Variants in ARHGEF11 observed in about 807,000 individuals in gnomAD.
ARHGEF11 encodes Rho guanine nucleotide exchange factor 11, also known as Rho guanine exchange factor (GEF) 11.
ARHGEF11 carries 55 observed loss-of-function variants against 193.7 expected under a neutral mutation model. That is an observed-to-expected ratio of 0.28 (90% CI 0.23 to 0.36). The LOEUF (loss-of-function observed/expected upper bound fraction) is 0.36, where lower values mean the gene tolerates loss of function less well. Among genes scored for constraint, ARHGEF11 ranks in the 10% least tolerant of loss-of-function variants. ARHGEF11 has a pLI of 1.00. For missense variants in ARHGEF11, 1,723 were observed against 2,005.6 expected, an observed-to-expected ratio of 0.86 and a Z score of 2.69; for synonymous variants, 693 against 768.0, an observed-to-expected ratio of 0.90 and a Z score of 1.62.
intron 13 of ARHGEF11, 133 bp from the exon 14 acceptor site, chr1:156,961,908 A>T: frequency 1.4e-6 from 1 of 707,556 alleles, no homozygotes; most frequent in South Asian, 1.6e-5. Context: ...TGCTACTGGC[A>T]TCTAGTGGGT....
At chr1:156,947,138 T>A in intron 26 of ARHGEF11, 123 bp from the exon 27 acceptor site, 1 of 1,470,804 alleles carries the variant, frequency 6.8e-7, no homozygotes, top group Non-Finnish European at 9.4e-7. Context: ...ACCATTGTAC[T>A]TTCGGGGTGA....
intron 21 of ARHGEF11, 25 bp downstream of exon 21, chr1:156,954,867 A>G (rs759321609): frequency 1.3e-6 from 2 of 1,599,360 alleles, no homozygotes; most frequent in East Asian, 4.5e-5. Context: ...TGCAAAGACA[A>G]ACCCAAATAA....
Position 156,999,281 on chromosome 1 carries a change from G to A in ARHGEF11, c.33-13108C>T, listed in dbSNP as rs547948389. ...GAGGTTCAGCTAAGTTACATAAGTC[G>A]CCCCAGGCCATACAGCTATTAAATA... On this transcript the variant is annotated intron_variant, in intron 1 of 40. Coordinates refer to ENST00000368194, the MANE Select transcript of ARHGEF11 (RefSeq NM_198236.3). Among the ~76,000 whole-genome samples the A allele has an allele frequency of 2.3e-3, 349 of 152,136 alleles. 1 individual carries two copies. The highest frequency in any genetic ancestry group is 8.1e-3 in the African/African-American group (335 of 41,498).
chr1:156,996,635 T>C (rs1440765769), intron 1 of ARHGEF11, among the ~76,000 whole-genome samples: 2 of 151,302 alleles, frequency 1.3e-5, no homozygotes, highest in African/African-American at 2.4e-5. Flanking sequence ...TAGCCGGGCG[T>C]GGTAGCGGGC....
chr1:156,948,922 T>G lies in ARHGEF11; in HGVS notation c.1926-424A>C. On this transcript the variant is annotated intron_variant, in intron 22 of 40. Transcript: ENST00000368194. The surrounding 1 kb of genome is among the most constrained non-coding windows in gnomAD (Gnocchi z 4.2). Reference sequence around the variant, plus strand: ...CCCCTAGTGGCCAGTTCACGTTGCCTCTGCTTTGGAACGGGTCAGCTCCCA... The same window carrying G: ...CCCCTAGTGGCCAGTTCACGTTGCCGCTGCTTTGGAACGGGTCAGCTCCCA... 1.0e-6 allele frequency: 1 copy of G among 985,450 alleles called. No homozygotes were observed. The highest frequency in any genetic ancestry group is 1.2e-6 in the Non-Finnish European group (1 of 829,932). 61.0% of individuals were successfully genotyped at this position (985,450 alleles called of 1,614,324 possible). A position where few individuals can be genotyped will look rare whatever the true frequency, so the allele number is the denominator to read the frequency against.
intron 1 of ARHGEF11, among the ~76,000 whole-genome samples, chr1:157,008,440 C>T (rs1668155023): frequency 6.7e-6 from 1 of 149,362 alleles, no homozygotes; most frequent in Non-Finnish European, 1.5e-5. Context: ...ACACGAAAGG[C>T]TATGTGAGCA....
At chr1:156,992,629 A>T (rs151332887) in intron 1 of ARHGEF11, among the ~76,000 whole-genome samples, 1 of 148,382 alleles carries the variant, frequency 6.7e-6, no homozygotes, top group African/African-American at 2.5e-5. Flanking sequence ...ATATATATAT[A>T]TTTTAAAAGT....
Position 156,948,233 on chromosome 1 carries a change from G to A in ARHGEF11, c.2106-5C>T. ...GGGGTTGGGTTCTCAAGAGACCTGTGGAGGGAATGTCAACTCTCAGCAACC... is the reference window on the plus strand; with the variant it reads ...GGGGTTGGGTTCTCAAGAGACCTGTAGAGGGAATGTCAACTCTCAGCAACC... On this transcript the variant is annotated splice_polypyrimidine_tract_variant and splice_region_variant and intron_variant, in intron 23 of 40. Coordinates refer to ENST00000368194, the MANE Select transcript of ARHGEF11 (RefSeq NM_198236.3). The surrounding 1 kb of genome is among the most constrained non-coding windows in gnomAD (Gnocchi z 4.2). The A allele has an allele frequency of 6.3e-7, 1 of 1,592,994 alleles. No individual in the cohort carries two copies. Among genetic ancestry groups the A allele is most frequent in the Non-Finnish European group, 8.6e-7 (1 of 1,166,410 alleles).
chr1:157,006,738 G>C (rs552932129), intron 1 of ARHGEF11, among the ~76,000 whole-genome samples: 18 of 152,294 alleles, frequency 1.2e-4, no homozygotes, highest in African/African-American at 4.3e-4. Context: ...CCATCTGCTG[G>C]CACCTCCTTC....
At chr1:157,030,078 G>A (rs1671113209) in intron 1 of ARHGEF11, among the ~76,000 whole-genome samples, 1 of 152,130 alleles carries the variant, frequency 6.6e-6, no homozygotes, top group Non-Finnish European at 1.5e-5. Flanking sequence ...GATGATGGTT[G>A]CACAACTCTG....
At chr1:156,980,386 G>C (rs1350285045) in intron 4 of ARHGEF11, 51 bp downstream of exon 4, 2 of 1,576,770 alleles carry the variant, frequency 1.3e-6, no homozygotes, top group Non-Finnish European at 8.6e-7. Flanking sequence ...GGAGTGCCCT[G>C]CACATCTATT....
In ARHGEF11 at chr1:156,936,827, C is replaced by A; in HGVS notation, c.4619G>T (p.Cys1540Phe). Residue 1540 changes from cysteine (C) to phenylalanine (F), a missense_variant, in exon 40 of 41, where the codon TGC becomes TTC. By Grantham distance (205) the Cys-to-Phe change is radical. Around this residue, in one of 5 missense-constraint regions of ARHGEF11, gnomAD observed 360 missense variants for 344.4 expected, o/e 1.05. Transcript: ENST00000368194. ...CTGGCTTCACTCACCATCCTCAGGG[C>A]AGGGCCCCAGTTCATGGCTGTTCCT... Reference protein sequence around the residue: ...DSRNSHELGPCPEDGSDAPLE... With the variant: ...DSRNSHELGPFPEDGSDAPLE... 6.2e-7 allele frequency: 1 copy of A among 1,613,706 alleles called. No homozygotes were observed. Among genetic ancestry groups the A allele is most frequent in the South Asian group, 1.1e-5 (1 of 91,008 alleles).
At chr1:156,968,258 G>C in intron 10 of ARHGEF11, 134 bp from the exon 11 acceptor site, 1 of 955,430 alleles carries the variant, frequency 1.0e-6, no homozygotes, top group Non-Finnish European at 1.5e-6. Context: ...TCTGTGCCTG[G>C]TATTATACTA....
At chr1:156,941,731 T>C in intron 34 of ARHGEF11, 133 bp downstream of exon 34, 2 of 1,338,244 alleles carry the variant, frequency 1.5e-6, no homozygotes, top group Non-Finnish European at 2.0e-6. Context: ...TGCCAGCACT[T>C]GGAGCTGTCT....
chr1:156,988,756 G>A (rs1367997409), intron 1 of ARHGEF11, among the ~76,000 whole-genome samples: 5 of 152,138 alleles, frequency 3.3e-5, no homozygotes, highest in African/African-American at 7.2e-5. Context: ...AGGTATGTGG[G>A]GGACAAGGAG....
intron 17 of ARHGEF11, 75 bp from the exon 18 acceptor site, chr1:156,957,890 G>C (rs1022050871): frequency 1.3e-6 from 2 of 1,490,912 alleles, no homozygotes; most frequent in African/African-American, 1.4e-5. Flanking sequence ...GCTAGGAGGA[G>C]GGTAAGTTTT....
intron 1 of ARHGEF11, among the ~76,000 whole-genome samples, chr1:157,012,038 G>A (rs536836618): frequency 6.6e-6 from 1 of 152,290 alleles, no homozygotes; most frequent in South Asian, 2.1e-4. Flanking sequence ...AAGGTTCATA[G>A]TAGCAGTATT....
intron 1 of ARHGEF11, among the ~76,000 whole-genome samples, chr1:157,017,430 G>A (rs1262439554): frequency 6.6e-6 from 1 of 152,094 alleles, no homozygotes; most frequent in Non-Finnish European, 1.5e-5. Context: ...GGAGAAGGCC[G>A]GGCGCAGTGG....
At chr1:157,022,653 T>C (rs1379024316) in intron 1 of ARHGEF11, among the ~76,000 whole-genome samples, 1 of 152,176 alleles carries the variant, frequency 6.6e-6, no homozygotes, top group Non-Finnish European at 1.5e-5. Flanking sequence ...GATTTTTTAA[T>C]AGAAATTGAC....
Sources: gnomAD v4.1 joint callset for allele counts (sites outside exome capture counted in the v4.1 genomes callset) on GRCh38, gnomAD v4.1.1 for gene constraint, gnomAD v4.1.1 regional missense constraint, Gnocchi (gnomAD v3.1) non-coding constraint, MANE v1.5 for transcripts, NCBI Gene and HGNC (gene_info 2026-07-23, HGNC 2026-07-21) for gene names.